The following TTLL10 variants were observed in gnomAD, a reference collection of about 807,000 sequenced individuals.
TTLL10 encodes inactive polyglycylase TTLL10.
A neutral mutation model predicts 69.0 loss-of-function variants in TTLL10; 61 were observed. That is an observed-to-expected ratio of 0.88 (90% confidence interval 0.72 to 1.09). TTLL10 has a LOEUF of 1.09. TTLL10 is among the 50% of genes least tolerant of loss of function. The pLI is 0.00. For synonymous variants in TTLL10, 408 were observed against 393.3 expected (o/e 1.04, Z -0.44); for missense variants, 962 against 945.9 (o/e 1.02, Z -0.22).
chr1:1,189,562 C>T (rs949220481), intron 13 of TTLL10, among the ~76,000 whole-genome samples: 14 of 152,126 alleles, frequency 9.2e-5, no homozygotes, highest in African/African-American at 7.2e-5. Context: ...GTTCTTTTCT[C>T]GAATGTCTTT....
In TTLL10 at chr1:1,197,609, C is replaced by A; in HGVS notation, c.1784C>A (p.Ser595Tyr). The A allele has an allele frequency of 6.6e-7, 1 of 1,514,928 alleles. No homozygotes were observed. The highest frequency in any genetic ancestry group is 1.2e-5 in the South Asian group (1 of 81,862). 93.8% of individuals were successfully genotyped at this position (1,514,928 alleles called of 1,614,324 possible). Residue 595 changes from serine to tyrosine, a missense_variant, in exon 16 of 16, where the codon TCC (serine) becomes TAC (tyrosine). Physicochemically the swap from Ser to Tyr is moderately radical, Grantham distance 144. Transcript: ENST00000379289. ...CCCCTGCCCACCCGCCAGGCCAAGT[C>A]CTCCGGGCCACCCATGCCGCATGCC... ...WPPLPTRQAK[S>Y]SGPPMPHAPD... is the part of the protein sequence containing the mutation.
intron 11 of TTLL10, 61 bp from the exon 12 acceptor site, chr1:1,183,859 G>A: frequency 6.2e-7 from 1 of 1,602,368 alleles, no homozygotes; most frequent in Non-Finnish European, 8.5e-7. Flanking sequence ...TGGGGTGTGA[G>A]GGGATGCAGG....
intron 12 of TTLL10, among the ~76,000 whole-genome samples, chr1:1,184,423 G>T (rs78752770): frequency 6.6e-6 from 1 of 152,356 alleles, no homozygotes; most frequent in Non-Finnish European, 1.5e-5. Flanking sequence ...CGTCGGAACC[G>T]AGGGGATTCT....
At chr1:1,178,325 C>T (rs1406948290) in intron 3 of TTLL10, among the ~76,000 whole-genome samples, 4 of 152,090 alleles carry the variant, frequency 2.6e-5, no homozygotes, top group African/African-American at 9.7e-5. Flanking sequence ...TTTCAGAGGC[C>T]GAGGCAGGCG....
At chr1:1,192,181 T>C (rs115516254) in intron 13 of TTLL10, among the ~76,000 whole-genome samples, 1,754 of 152,398 alleles carry the variant, frequency 0.012, 16 homozygotes, top group Non-Finnish European at 0.017. Flanking sequence ...TGTCTCTGTA[T>C]TGAAAGCGGG....
intron 8 of TTLL10, 41 bp downstream of exon 8, chr1:1,180,901 C>G: frequency 6.6e-7 from 1 of 1,510,110 alleles, no homozygotes; most frequent in African/African-American, 1.4e-5. Flanking sequence ...CTGCGCCCGC[C>G]CCTACGCCTG....
At position 1,185,631 on chromosome 1, in the gene TTLL10, C is replaced by T. The variant is rs1431453266; in HGVS notation, c.1401+522C>T. 5 of 986,068 alleles carry T rather than the reference C, an allele frequency of 5.1e-6. No individual in the cohort carries two copies. The highest frequency in any genetic ancestry group is 6.0e-6 in the Non-Finnish European group (5 of 830,500). The allele number at this position is 986,068 out of a possible 1,614,324, so 61.1% of individuals were successfully genotyped here. ...CCTAGCAGCAAAGGCCCTTGAGCAG[C>T]GCGGTGTGAAACTGGGATAAAAACG... On this transcript the variant is annotated intron_variant, in intron 13 of 15. Transcript: ENST00000379289. This position sits in a 1 kb window ranked among gnomAD's most constrained non-coding sequence, Gnocchi z 6.1.
Position 1,196,843 on chromosome 1 carries a change from G to A in TTLL10, c.1518+127G>A, listed in dbSNP as rs1020221859. ...TCAGCCCCCACCCTGCCTGCATGCA[G>A]CCCTGGGGATGGGTGTATCCATGAG... On this transcript the variant is annotated intron_variant, in intron 14 of 15. Transcript: ENST00000379289. The A allele has an allele frequency of 5.4e-5, 43 of 802,134 alleles. No individual in the cohort carries two copies. In the African/African-American group the frequency reaches 7.1e-4, roughly 13 times the overall value. 49.7% of individuals were successfully genotyped at this position (802,134 alleles called of 1,614,324 possible). A position where few individuals can be genotyped will look rare whatever the true frequency, so the allele number is the denominator to read the frequency against.
rs928656224 is a variant in TTLL10, at chr1:1,180,580, A to G, written c.604A>G (p.Ser202Gly). Residue 202 changes from serine to glycine, a missense_variant, in exon 7 of 16, where the codon AGC (serine) becomes GGC (glycine). By Grantham distance (56) the Ser-to-Gly change is moderately conservative. Coordinates refer to ENST00000379289, the MANE Select transcript of TTLL10 (RefSeq NM_001130045.2). ...LKWCEVKSRD[S>G]YGSFREGEQL... ...GTGGTGTGAGGTCAAGAGCCGAGAC[A>G]GCTACGGCAGCTTCCGGGAAGGTAG... 1.9e-6 allele frequency: 3 copies of G among 1,551,498 alleles called. No individual in the cohort carries two copies. The highest frequency in any genetic ancestry group is 2.6e-6 in the Non-Finnish European group (3 of 1,147,252).
chr1:1,181,692 C>T lies in TTLL10; in HGVS notation c.756-49C>T, dbSNP rs987545773. The T allele has an allele frequency of 2.0e-6, 3 of 1,535,354 alleles. No homozygotes were observed. The highest frequency in any genetic ancestry group is 2.4e-5 in the East Asian group (1 of 41,986). ...TCCCCCAGTCCCCACCCGCTCCAAG[C>T]ACCATGAGCTGGCCCCTCAGTCCAG... On this transcript the variant is annotated intron_variant, in intron 8 of 15. Coordinates refer to ENST00000379289, the MANE Select transcript of TTLL10 (RefSeq NM_001130045.2). This position sits in a 1 kb window ranked among gnomAD's most constrained non-coding sequence, Gnocchi z 4.6.
At position 1,197,538 on chromosome 1, in the gene TTLL10, C is replaced by A; in HGVS notation, c.1713C>A (p.Asp571Glu). The A allele has an allele frequency of 6.5e-7, 1 of 1,527,592 alleles. No individual in the cohort carries two copies. Among genetic ancestry groups the A allele is most frequent in the Non-Finnish European group, 8.8e-7 (1 of 1,141,228 alleles). The allele number at this position is 1,527,592 out of a possible 1,614,324, so 94.6% of individuals were successfully genotyped here. A position where few individuals can be genotyped will look rare whatever the true frequency, so the allele number is the denominator to read the frequency against. The change falls in exon 16 of 16, where the codon GAC (aspartate) becomes GAA (glutamate). Residue 571 changes from aspartate to glutamate, a missense_variant. By Grantham distance (45) the Asp-to-Glu change is conservative. Coordinates refer to ENST00000379289, the MANE Select transcript of TTLL10 (RefSeq NM_001130045.2). ...TGCTCCTGCACAACGGTGAGGCCGA[C>A]CCGCGGCCGCACCTGGGGGGCTCGT... ...RFVLLHNGEADPRPHLGGSCS... is the reference protein window; with the variant it reads ...RFVLLHNGEAEPRPHLGGSCS...
intron 13 of TTLL10, among the ~76,000 whole-genome samples, chr1:1,190,459 G>A (rs932449748): frequency 7.0e-6 from 1 of 143,818 alleles, no homozygotes; most frequent in Non-Finnish European, 1.5e-5. Flanking sequence ...ATGGAGTCTT[G>A]CTCTGTCGCC....
In TTLL10 at chr1:1,182,985, G is replaced by A. The variant is rs138091862; in HGVS notation, c.1026G>A (p.Met342Ile). The change falls in exon 11 of 16, where the codon ATG becomes ATA. Residue 342 changes from methionine (M) to isoleucine (I), a missense_variant. Coordinates refer to ENST00000379289, the MANE Select transcript of TTLL10 (RefSeq NM_001130045.2). ...CCCTGCAGGCCAAGACCCGGAGCAT[G>A]GAGGACGACCCCATCCACCACAAGA... ...VAALQAKTRSMEDDPIHHKTP... is the reference protein window; with the variant it reads ...VAALQAKTRSIEDDPIHHKTP... 6.2e-7 allele frequency: 1 copy of A among 1,609,578 alleles called. No individual in the cohort carries two copies. The highest frequency in any genetic ancestry group is 8.5e-7 in the Non-Finnish European group (1 of 1,178,490).
chr1:1,197,241 C>A, intron 15 of TTLL10, 55 bp downstream of exon 15: 1 of 1,478,400 alleles, frequency 6.8e-7, no homozygotes, highest in Non-Finnish European at 9.2e-7. Flanking sequence ...TCTTGAATGC[C>A]TACCTGCCCT....
rs371383078 is a variant in TTLL10, at chr1:1,181,728, C to T, written c.756-13C>T. ...GGCCCCTCAGTCCAGGCCCTCTGTC[C>T]CCTGGGCTGCAGGCTGGAAAAGGAC... On this transcript the variant is annotated splice_polypyrimidine_tract_variant and intron_variant, in intron 8 of 15. Coordinates refer to ENST00000379289, the MANE Select transcript of TTLL10 (RefSeq NM_001130045.2). This position sits in a 1 kb window ranked among gnomAD's most constrained non-coding sequence, Gnocchi z 4.6. 231 of 1,586,602 alleles carry T rather than the reference C, an allele frequency of 1.5e-4. No individual in the cohort carries two copies. Among genetic ancestry groups the T allele is most frequent in the Middle Eastern group, 1.7e-4 (1 of 5,852 alleles).
chr1:1,175,498 C>T (rs532306610), intron 3 of TTLL10: 166 of 368,016 alleles, frequency 4.5e-4, no homozygotes, highest in Non-Finnish European at 7.7e-4. Flanking sequence ...CAGAGCTGCC[C>T]GGCCTCCCCG....
At position 1,179,704 on chromosome 1, in the gene TTLL10, G is replaced by A. The variant is rs369896253; in HGVS notation, c.166G>A (p.Gly56Ser). ...GCACCCAGCACCGGCCTCACAGCCC[G>A]GCCCCTGCCCTGCACCAGGCCACTG... ...RLHPAPASQPGPCPAPGHCPV... is the reference protein window; with the variant it reads ...RLHPAPASQPSPCPAPGHCPV... The change falls in exon 5 of 16, where the codon GGC becomes AGC. Residue 56 changes from glycine (G) to serine (S), a missense_variant. Coordinates refer to ENST00000379289, the MANE Select transcript of TTLL10 (RefSeq NM_001130045.2). 172 of 1,550,576 alleles carry A rather than the reference G, an allele frequency of 1.1e-4. 1 individual carries two copies. In the African/African-American group the frequency reaches 2.0e-3, roughly 18 times the overall value.
chr1:1,184,398 T>C (rs1647187638), intron 12 of TTLL10, among the ~76,000 whole-genome samples: 1 of 152,072 alleles, frequency 6.6e-6, no homozygotes, highest in Non-Finnish European at 1.5e-5. Flanking sequence ...TTTCTGAGGA[T>C]GGGGTGCGGG....
chr1:1,196,720 C>A lies in TTLL10; in HGVS notation c.1518+4C>A. 6.5e-7 allele frequency: 1 copy of A among 1,542,914 alleles called. No individual in the cohort carries two copies. The highest frequency in any genetic ancestry group is 8.8e-7 in the Non-Finnish European group (1 of 1,138,658). ...CCTGATTGATGACAACTTCAAGGTG[C>A]TGTCCTGGGCGGCGGGGGGCACAGT... On this transcript the variant is annotated splice_donor_region_variant and intron_variant, in intron 14 of 15. Transcript: ENST00000379289.
Sources: allele counts gnomAD v4.1 joint callset (sites outside exome capture counted in the v4.1 genomes callset), GRCh38; gene constraint gnomAD v4.1.1; non-coding constraint Gnocchi (gnomAD v3.1); transcripts MANE v1.5; gene names NCBI Gene and HGNC (gene_info 2026-07-23, HGNC 2026-07-21).